Variants in SAMMSON observed in about 807,000 individuals in gnomAD.
SAMMSON encodes survival associated mitochondrial melanoma specific oncogenic non-coding RNA.
At chr3:70,113,312 A>C (rs922924256) in intron 4 of SAMMSON, among the ~76,000 whole-genome samples, 3 of 152,206 alleles carry the variant, frequency 2.0e-5, no homozygotes, top group African/African-American at 7.2e-5. Flanking sequence ...CCATGTTATT[A>C]GGCCATTCAT....
chr3:70,180,718 A>G (rs572428775), intron 4 of SAMMSON, among the ~76,000 whole-genome samples: 1 of 152,312 alleles, frequency 6.6e-6, no homozygotes, highest in African/African-American at 2.4e-5. Context: ...TAGTCTTCCA[A>G]AAATATTATA....
chr3:70,289,954 C>A (rs1702214571), intron 6 of SAMMSON, among the ~76,000 whole-genome samples: 1 of 152,052 alleles, frequency 6.6e-6, no homozygotes, highest in South Asian at 2.1e-4. Context: ...TCTAGTTATA[C>A]ATTCTTCTAA....
chr3:70,355,682 G>A (rs1367558033), intron 8 of SAMMSON, among the ~76,000 whole-genome samples: 1 of 152,042 alleles, frequency 6.6e-6, no homozygotes, highest in Non-Finnish European at 1.5e-5. Context: ...TAGACGGCAA[G>A]AAATTATTAA....
At chr3:70,359,732 A>T (rs183438075) in intron 9 of SAMMSON, among the ~76,000 whole-genome samples, 21 of 152,280 alleles carry the variant, frequency 1.4e-4, no homozygotes, top group African/African-American at 5.1e-4. Flanking sequence ...TTGCTGATAC[A>T]GAGATAGTGC....
intron 3 of SAMMSON, among the ~76,000 whole-genome samples, chr3:70,015,627 C>T (rs1358991576): frequency 1.3e-5 from 2 of 151,980 alleles, no homozygotes; most frequent in Non-Finnish European, 2.9e-5. Flanking sequence ...AGGTTTGTTA[C>T]ATATGTATAC....
intron 9 of SAMMSON, among the ~76,000 whole-genome samples, chr3:70,372,006 A>G (rs1487104459): frequency 6.6e-6 from 1 of 152,070 alleles, no homozygotes; most frequent in Admixed American, 6.6e-5. Context: ...GAGGTATGTC[A>G]CTTCTGCACC....
chr3:70,169,729 C>A (rs1348540793), intron 4 of SAMMSON, among the ~76,000 whole-genome samples: 4 of 149,804 alleles, frequency 2.7e-5, no homozygotes, highest in Non-Finnish European at 4.4e-5. Context: ...AATGCTCTAA[C>A]CTTGTCAGAA....
chr3:70,426,662 A>G (rs564625606), intron 2 of SAMMSON, among the ~76,000 whole-genome samples: 4 of 152,224 alleles, frequency 2.6e-5, no homozygotes, highest in Non-Finnish European at 5.9e-5. Flanking sequence ...TTCCAATATC[A>G]GAGTCATTTC....
chr3:70,214,033 G>A (rs909774381), intron 4 of SAMMSON, among the ~76,000 whole-genome samples: 1 of 151,982 alleles, frequency 6.6e-6, no homozygotes, highest in African/African-American at 2.4e-5. Flanking sequence ...AAAGCTGAGT[G>A]GATAATTTTC....
intron 7 of SAMMSON, among the ~76,000 whole-genome samples, chr3:70,310,905 T>C (rs183221212): frequency 1.3e-5 from 2 of 152,290 alleles, no homozygotes; most frequent in East Asian, 1.9e-4. Context: ...TTTGGCACTT[T>C]CCAATTTTGT....
chr3:70,081,403 G>A (rs75910248), intron 4 of SAMMSON, among the ~76,000 whole-genome samples: 1,843 of 152,272 alleles, frequency 0.012, 44 homozygotes, highest in African/African-American at 0.042. Flanking sequence ...GTGAGCCACC[G>A]CGCCCGGCCT....
chr3:70,412,235 A>G (rs1484046633), intron 2 of SAMMSON, among the ~76,000 whole-genome samples: 1 of 152,216 alleles, frequency 6.6e-6, no homozygotes, highest in Non-Finnish European at 1.5e-5. Context: ...AATGTGATGT[A>G]GTGTAGGGGT....
intron 6 of SAMMSON, among the ~76,000 whole-genome samples, chr3:70,284,705 T>A (rs1331068729): frequency 6.6e-6 from 1 of 152,084 alleles, no homozygotes; most frequent in East Asian, 1.9e-4. Context: ...TGAGAACACA[T>A]GGCCACAGGG....
chr3:70,042,716 G>A lies in SAMMSON; in HGVS notation n.418-28760G>A, dbSNP rs538302618. Among the ~76,000 whole-genome samples, 20 of 152,204 alleles carry A rather than the reference G, an allele frequency of 1.3e-4. No individual in the cohort carries two copies. In the South Asian group the frequency reaches 3.5e-3, roughly 27 times the overall value. ...CAGAATCCACCTTGACAAAGTCAAG[G>A]ACTGTGCGTTTAATGTTGAACTGAG... On this transcript the variant is annotated intron_variant and non_coding_transcript_variant, in intron 3 of 9. Transcript: ENST00000642114.
chr3:70,320,209 A>G lies in SAMMSON; in HGVS notation n.739+28966A>G, dbSNP rs537066244. 2.0e-5 allele frequency among the ~76,000 whole-genome samples: 3 copies of G among 152,176 alleles called. 1 individual carries two copies. The highest frequency in any genetic ancestry group is 7.2e-5 in the African/African-American group (3 of 41,560). ...ACATGATATAAGCTGTAGGCAATGCAAGGTTTTAGACATTGGGAGAAGAAG... is the reference window on the plus strand; with the variant it reads ...ACATGATATAAGCTGTAGGCAATGCGAGGTTTTAGACATTGGGAGAAGAAG... On this transcript the variant is annotated intron_variant and non_coding_transcript_variant, in intron 7 of 9. Transcript: ENST00000642114.
At chr3:70,251,046 T>TTCA (rs1701761615) in intron 6 of SAMMSON, among the ~76,000 whole-genome samples, 2 of 152,200 alleles carry the variant, frequency 1.3e-5, no homozygotes, top group Non-Finnish European at 2.9e-5. Context: ...ACTTAGAGAA[T>TTCA]ATGCTGTACA....
rs17788985 is a variant in SAMMSON at position 70,402,354 on chromosome 3, A to G, written n.233+44030A>G. Among the ~76,000 whole-genome samples, 1,320 of 152,310 alleles carry G rather than the reference A, an allele frequency of 8.7e-3. 11 individuals carry two copies. The highest frequency in any genetic ancestry group is 0.014 in the Non-Finnish European group (921 of 68,018). ...TACGTGAGAATAAGGGAATTGACATATGAATGCCTACAATATGCATGCACA... is the reference window on the plus strand; with the variant it reads ...TACGTGAGAATAAGGGAATTGACATGTGAATGCCTACAATATGCATGCACA... On this transcript the variant is annotated intron_variant and non_coding_transcript_variant, in intron 2 of 3. Coordinates refer to the SAMMSON transcript ENST00000641053.
At position 70,060,488 on chromosome 3, in the gene SAMMSON, A is replaced by G. The variant is rs548122198; in HGVS notation, n.418-10988A>G. Among the ~76,000 whole-genome samples the G allele has an allele frequency of 2.6e-5, 4 of 152,164 alleles. No homozygotes were observed. In the South Asian group the frequency reaches 8.3e-4, roughly 32 times the overall value. ...AACTTTTAGTCAGGAACCAATTTTT[A>G]TTTTCCTCTGCCATTCCACCATTTC... On this transcript the variant is annotated intron_variant and non_coding_transcript_variant, in intron 3 of 9. Transcript: ENST00000642114.
At chr3:70,083,859 TTG>T (rs2067276281) in intron 4 of SAMMSON, among the ~76,000 whole-genome samples, 1 of 152,172 alleles carries the variant, frequency 6.6e-6, no homozygotes, top group South Asian at 2.1e-4. Context: ...ATGATTCATT[TTG>T]TTGTCTGTCT....
Sources: gnomAD v4.1 joint callset for allele counts (sites outside exome capture counted in the v4.1 genomes callset) on GRCh38, gnomAD v4.1.1 for gene constraint, MANE v1.5 for transcripts, NCBI Gene and HGNC (gene_info 2026-07-23, HGNC 2026-07-21) for gene names.